Variants in SBF2 observed in about 807,000 individuals in gnomAD.
SBF2 encodes myotubularin-related protein 13.
SBF2 carries 112 observed loss-of-function variants against 225.2 expected under a neutral mutation model. The ratio of observed to expected loss-of-function variants is 0.50; its 90% CI spans 0.43 to 0.58. SBF2 has a LOEUF of 0.58. Among genes scored for constraint, SBF2 ranks in the 20% least tolerant of loss-of-function variants. The pLI, the probability that SBF2 is intolerant of heterozygous loss-of-function variation, is 0.00. For synonymous variants in SBF2, 763 were observed against 773.3 expected (o/e 0.99, Z 0.22); for missense variants, 1,996 against 2,206.2 (o/e 0.90, Z 1.91).
chr11:9,989,210 G>GT (rs1565100197), intron 13 of SBF2, among the ~76,000 whole-genome samples: 3 of 152,052 alleles, frequency 2.0e-5, no homozygotes, highest in African/African-American at 7.2e-5. Flanking sequence ...ACCAAACATT[G>GT]TATGTTCTCA....
chr11:10,084,287 T>G (rs952459112), intron 2 of SBF2, among the ~76,000 whole-genome samples: 3 of 152,094 alleles, frequency 2.0e-5, no homozygotes, highest in African/African-American at 7.2e-5. Context: ...CAGGCATTAT[T>G]CAGAAGAAGA....
Position 10,182,813 on chromosome 11 carries a change from C to T in SBF2, c.141+11089G>A, listed in dbSNP as rs867110592. Among the ~76,000 whole-genome samples the T allele has an allele frequency of 3.3e-5, 5 of 150,918 alleles. No individual in the cohort carries two copies. In the South Asian group the frequency reaches 6.3e-4, roughly 19 times the overall value. Reference sequence around the variant, plus strand: ...TTTTTGAGACGGAGTCTTGCTCTGTCGCCAGGCTGGAGTGCAGTGGCGATG... The same window carrying T: ...TTTTTGAGACGGAGTCTTGCTCTGTTGCCAGGCTGGAGTGCAGTGGCGATG... On this transcript the variant is annotated intron_variant, in intron 2 of 39. Coordinates refer to ENST00000256190, the MANE Select transcript of SBF2 (RefSeq NM_030962.4).
chr11:10,094,680 T>C (rs1951942331), intron 2 of SBF2, among the ~76,000 whole-genome samples: 1 of 151,968 alleles, frequency 6.6e-6, no homozygotes, highest in South Asian at 2.1e-4. Flanking sequence ...TTTTGTATTT[T>C]TTTAGTAGAG....
intron 16 of SBF2, among the ~76,000 whole-genome samples, chr11:9,918,885 C>G (rs1590443256): frequency 2.0e-5 from 3 of 152,040 alleles, no homozygotes. Flanking sequence ...ACTACAGGCG[C>G]CTGCCACCAC....
intron 32 of SBF2, among the ~76,000 whole-genome samples, chr11:9,798,538 A>C (rs555657581): frequency 6.6e-5 from 10 of 152,356 alleles, no homozygotes; most frequent in Non-Finnish European, 1.0e-4. Flanking sequence ...AGCCCTTGGG[A>C]TAAACCTTCA....
chr11:10,058,833 G>A (rs1950340109), intron 2 of SBF2, among the ~76,000 whole-genome samples: 1 of 152,186 alleles, frequency 6.6e-6, no homozygotes, highest in Non-Finnish European at 1.5e-5. Flanking sequence ...CTACAAGCCA[G>A]AAGAGATTGG....
At chr11:10,156,469 T>C (rs541863820) in intron 2 of SBF2, among the ~76,000 whole-genome samples, 460 of 152,282 alleles carry the variant, frequency 3.0e-3, no homozygotes, top group Non-Finnish European at 4.6e-3. Flanking sequence ...AGGCCAAGGA[T>C]AGCCTGAAGC....
chr11:10,063,846 C>CAGAGAG (rs1324047076), intron 2 of SBF2, among the ~76,000 whole-genome samples: 1 of 136,944 alleles, frequency 7.3e-6, no homozygotes, highest in South Asian at 2.3e-4. Flanking sequence ...CACACACACA[C>CAGAGAG]ACACACACAC....
At chr11:10,039,290 A>G (rs1317085295) in intron 3 of SBF2, among the ~76,000 whole-genome samples, 3 of 151,994 alleles carry the variant, frequency 2.0e-5, no homozygotes, top group African/African-American at 7.2e-5. Flanking sequence ...GGACATAAAC[A>G]GTTCATGCCA....
chr11:9,941,417 G>T (rs969754072), intron 16 of SBF2, among the ~76,000 whole-genome samples: 1 of 152,110 alleles, frequency 6.6e-6, no homozygotes, highest in African/African-American at 2.4e-5. Context: ...AGGAACACAC[G>T]ATTTCACTCT....
chr11:9,985,564 C>G (rs1266896645), intron 13 of SBF2, among the ~76,000 whole-genome samples: 1 of 152,080 alleles, frequency 6.6e-6, no homozygotes, highest in African/African-American at 2.4e-5. Flanking sequence ...TTCAGGTGAT[C>G]CTCCTGCCTT....
At chr11:9,994,197 G>A (rs558312118) in intron 9 of SBF2, among the ~76,000 whole-genome samples, 199 bp from the exon 10 acceptor site, 5 of 152,098 alleles carry the variant, frequency 3.3e-5, no homozygotes, top group African/African-American at 4.8e-5. Flanking sequence ...ATGTTCGGCC[G>A]GGCGCGGTGG....
intron 2 of SBF2, among the ~76,000 whole-genome samples, chr11:10,087,188 C>T (rs2134894842): frequency 6.6e-6 from 1 of 152,222 alleles, no homozygotes; most frequent in Middle Eastern, 3.4e-3. Flanking sequence ...CAATCATTCT[C>T]TCATCTGTGA....
chr11:9,784,883 G>C (rs1590076372), intron 37 of SBF2: 1 of 558,896 alleles, frequency 1.8e-6, no homozygotes. Context: ...TGGCAGACAG[G>C]AGATAAGAGC....
At chr11:10,266,370 A>G (rs1961990629) in intron 1 of SBF2, among the ~76,000 whole-genome samples, 1 of 152,186 alleles carries the variant, frequency 6.6e-6, no homozygotes, top group African/African-American at 2.4e-5. Flanking sequence ...ACTGTAAAGG[A>G]CTAGGAGACA....
chr11:10,128,721 T>C (rs191474563), intron 2 of SBF2, among the ~76,000 whole-genome samples: 1 of 152,328 alleles, frequency 6.6e-6, no homozygotes, highest in African/African-American at 2.4e-5. Context: ...ACAGTATACT[T>C]TGGCAGTTTT....
At chr11:10,105,532 C>T (rs192538767) in intron 2 of SBF2, among the ~76,000 whole-genome samples, 1 of 152,312 alleles carries the variant, frequency 6.6e-6, no homozygotes, top group East Asian at 1.9e-4. Context: ...GGTATCACTA[C>T]ATGCTATGTA....
At chr11:9,902,359 G>A (rs902093914) in intron 16 of SBF2, among the ~76,000 whole-genome samples, 5 of 152,248 alleles carry the variant, frequency 3.3e-5, no homozygotes, top group South Asian at 4.2e-4. Flanking sequence ...TCAATCAGTA[G>A]CCAATCAGAA....
upstream of SBF2, among the ~76,000 whole-genome samples, chr11:10,295,152 C>T (rs184245406): frequency 4.1e-3 from 623 of 152,288 alleles, 6 homozygotes; most frequent in African/African-American, 0.014. Flanking sequence ...TTGGAAATCT[C>T]CGTGGTTTAG....
Sources: allele counts gnomAD v4.1 joint callset (sites outside exome capture counted in the v4.1 genomes callset), GRCh38; gene constraint gnomAD v4.1.1; transcripts MANE v1.5; gene names NCBI Gene and HGNC (gene_info 2026-07-23, HGNC 2026-07-21).